Variants in LRRTM3 observed in about 807,000 individuals in gnomAD.
LRRTM3 encodes leucine rich repeat transmembrane neuronal 3, also known as leucine-rich repeat transmembrane neuronal protein 3.
A neutral mutation model predicts 44.7 loss-of-function variants in LRRTM3; 24 were observed. That is an observed-to-expected ratio of 0.54 (90% CI 0.39 to 0.76). The LOEUF (loss-of-function observed/expected upper bound fraction) is 0.76. Ranked by LOEUF, LRRTM3 falls within the 30% of genes least tolerant of loss-of-function variation. The pLI is 0.00. For synonymous variants in LRRTM3, 277 were observed against 278.7 expected (o/e 0.99, Z 0.06); for missense variants, 587 against 702.2 (o/e 0.84, Z 1.85).
intron 2 of LRRTM3, among the ~76,000 whole-genome samples, chr10:67,077,657 G>A (rs1184335023): frequency 6.6e-6 from 1 of 152,078 alleles, no homozygotes; most frequent in Non-Finnish European, 1.5e-5. Context: ...TTTTTCCTCT[G>A]TAACCAACAT....
At chr10:67,090,162 T>C (rs767788816) in intron 2 of LRRTM3, among the ~76,000 whole-genome samples, 5 of 152,094 alleles carry the variant, frequency 3.3e-5, no homozygotes, top group Non-Finnish European at 7.4e-5. Flanking sequence ...TCCAGGAGTA[T>C]ACTTAAGGTT....
intron 2 of LRRTM3, among the ~76,000 whole-genome samples, chr10:67,014,325 T>C (rs1050359805): frequency 1.9e-4 from 29 of 152,180 alleles, no homozygotes; most frequent in African/African-American, 7.0e-4. Flanking sequence ...CATTCTGTTT[T>C]GTTGAAGGGA....
At chr10:67,004,283 C>T (rs1418094619) in intron 2 of LRRTM3, among the ~76,000 whole-genome samples, 1 of 152,106 alleles carries the variant, frequency 6.6e-6, no homozygotes, top group Non-Finnish European at 1.5e-5. Context: ...AAATTTCTTC[C>T]TGTCTTTAAA....
chr10:66,932,028 G>A lies in LRRTM3; in HGVS notation c.1536+3576G>A, dbSNP rs568941975. On this transcript the variant is annotated intron_variant, in intron 2 of 2. Coordinates refer to ENST00000361320, the MANE Select transcript of LRRTM3 (RefSeq NM_178011.5). ...ATATGTCAAAGGTGTCAAAGGAGGG[G>A]GGCCTCCCCTTCCGGCTTTAGAACT... Among the ~76,000 whole-genome samples the A allele has an allele frequency of 3.9e-5, 6 of 152,252 alleles. No homozygotes were observed. The South Asian group carries it at 1.0e-3, about 26-fold the overall frequency.
chr10:67,041,030 A>T (rs1372364348), intron 2 of LRRTM3, among the ~76,000 whole-genome samples: 2 of 152,152 alleles, frequency 1.3e-5, no homozygotes, highest in Non-Finnish European at 2.9e-5. Context: ...GAAAAAGCAG[A>T]TCTTTTTACA....
intron 2 of LRRTM3, among the ~76,000 whole-genome samples, chr10:67,056,261 A>G (rs1435805189): frequency 2.6e-5 from 4 of 152,160 alleles, no homozygotes; most frequent in African/African-American, 9.7e-5. Context: ...TGGACCCACT[A>G]GGATGTGTTT....
chr10:67,071,420 T>C (rs961829839), intron 2 of LRRTM3, among the ~76,000 whole-genome samples: 1 of 151,922 alleles, frequency 6.6e-6, no homozygotes, highest in African/African-American at 2.4e-5. Flanking sequence ...TTTGCAGTTA[T>C]CTTCTCTCAA....
intron 2 of LRRTM3, among the ~76,000 whole-genome samples, chr10:67,008,840 G>T (rs923195724): frequency 2.6e-5 from 4 of 152,032 alleles, no homozygotes; most frequent in African/African-American, 9.7e-5. Flanking sequence ...TTACCTTATT[G>T]TTTTTCAGTG....
chr10:66,989,174 G>T (rs994436442), intron 2 of LRRTM3, among the ~76,000 whole-genome samples: 1 of 152,072 alleles, frequency 6.6e-6, no homozygotes, highest in Non-Finnish European at 1.5e-5. Context: ...TCTTTTTGAA[G>T]GTAATGCCAA....
At chr10:67,036,150 T>C (rs914012771) in intron 2 of LRRTM3, among the ~76,000 whole-genome samples, 1 of 152,106 alleles carries the variant, frequency 6.6e-6, no homozygotes, top group Admixed American at 6.6e-5. Context: ...GGATTTATTT[T>C]ATTTTATTTT....
At chr10:66,997,193 A>G (rs1437754516) in intron 2 of LRRTM3, among the ~76,000 whole-genome samples, 1 of 152,136 alleles carries the variant, frequency 6.6e-6, no homozygotes, top group African/African-American at 2.4e-5. Context: ...TTATTTCAGC[A>G]TTTCAGAGGC....
chr10:67,067,068 C>T (rs759643498), intron 2 of LRRTM3, among the ~76,000 whole-genome samples: 14 of 152,032 alleles, frequency 9.2e-5, no homozygotes, highest in Admixed American at 3.3e-4. Flanking sequence ...AATGAAAATG[C>T]TTTGAGTATA....
chr10:67,067,882 G>A (rs894759884), intron 2 of LRRTM3, among the ~76,000 whole-genome samples: 2 of 152,194 alleles, frequency 1.3e-5, no homozygotes, highest in African/African-American at 4.8e-5. Context: ...CTGAAAGTAT[G>A]TACAGGGTCC....
chr10:66,953,827 G>C (rs1848659566), intron 2 of LRRTM3, among the ~76,000 whole-genome samples: 1 of 152,128 alleles, frequency 6.6e-6, no homozygotes, highest in Non-Finnish European at 1.5e-5. Context: ...CCAGGTTCTA[G>C]AGACACTGGT....
chr10:66,972,147 A>G (rs1337701051), intron 2 of LRRTM3, among the ~76,000 whole-genome samples: 17 of 152,110 alleles, frequency 1.1e-4, no homozygotes, highest in Non-Finnish European at 1.5e-5. Context: ...GCCTTCTCAA[A>G]TTAACAACAT....
At chr10:67,012,901 A>G (rs1420013867) in intron 2 of LRRTM3, 1 of 152,172 alleles carries the variant, frequency 6.6e-6, no homozygotes, top group African/African-American at 2.4e-5. Flanking sequence ...AGCAATCATT[A>G]ATTAGCAGCA....
chr10:67,074,373 C>T lies in LRRTM3; in HGVS notation c.1537-23214C>T, dbSNP rs577460628. Among the ~76,000 whole-genome samples, 18 of 88,934 alleles carry T rather than the reference C, an allele frequency of 2.0e-4. No individual in the cohort carries two copies. In the Admixed American group the frequency reaches 2.1e-3, roughly 11 times the overall value. The allele number at this position is 88,934 out of a possible 152,430, so 58.3% of individuals were successfully genotyped here. On this transcript the variant is annotated intron_variant, in intron 2 of 2. Coordinates refer to ENST00000361320, the MANE Select transcript of LRRTM3 (RefSeq NM_178011.5). ...TTTTTTTTTTTTTTTTTTTTTGAGA[C>T]GGAGTCTCGCTCTGTCGCCCAGGCT... is the stretch of plus-strand genomic sequence containing the variant.
At chr10:67,068,749 G>C (rs1232159031) in intron 2 of LRRTM3, among the ~76,000 whole-genome samples, 2 of 152,144 alleles carry the variant, frequency 1.3e-5, no homozygotes, top group African/African-American at 4.8e-5. Flanking sequence ...TCCTAGAGTG[G>C]TCAGTGATTA....
chr10:67,059,326 T>C (rs1418372518), intron 2 of LRRTM3, among the ~76,000 whole-genome samples: 1 of 152,190 alleles, frequency 6.6e-6, no homozygotes, highest in Non-Finnish European at 1.5e-5. Context: ...GAGACTTCTA[T>C]TTCAGCAGAG....
Sources: allele counts gnomAD v4.1 joint callset (sites outside exome capture counted in the v4.1 genomes callset), GRCh38; gene constraint gnomAD v4.1.1; transcripts MANE v1.5; gene names NCBI Gene and HGNC (gene_info 2026-07-23, HGNC 2026-07-21).